The following DRC9 variants were observed in gnomAD, a reference collection of about 807,000 sequenced individuals.
DRC9 encodes dynein regulatory complex subunit 9.
the DRC9 span, among the ~76,000 whole-genome samples, chr3:197,896,874 A>C: frequency 1.3e-5 from 2 of 152,322 alleles, no homozygotes; most frequent in South Asian, 4.1e-4. Context: ...TCTGAAAGAA[A>C]AACTTCTTTC....
At chr3:197,894,381 A>C in the DRC9 span, 7 of 152,238 alleles carry the variant, frequency 4.6e-5, no homozygotes, top group Non-Finnish European at 8.8e-5. Flanking sequence ...CATGGGATGA[A>C]GAGCGAGAGA....
At chr3:197,904,087 CATATAT>C in the DRC9 span, among the ~76,000 whole-genome samples, 18 of 42,458 alleles carry the variant, frequency 4.2e-4, no homozygotes, top group Admixed American at 8.3e-4. Context: ...TATATACATA[CATATAT>C]ATATATATAT....
At chr3:197,914,032 T>A in the DRC9 span, 1 of 1,613,792 alleles carries the variant, frequency 6.2e-7, no homozygotes, top group Non-Finnish European at 8.5e-7. Context: ...AGCAATATAC[T>A]CATTCTGACT....
chr3:197,892,816 G>A, the DRC9 span: 1 of 1,597,700 alleles, frequency 6.3e-7, no homozygotes, highest in Non-Finnish European at 8.6e-7. Flanking sequence ...GCTGTATACT[G>A]TATGATTCCA....
the DRC9 span, among the ~76,000 whole-genome samples, chr3:197,952,357 A>G: frequency 6.6e-6 from 1 of 151,486 alleles, no homozygotes; most frequent in Middle Eastern, 3.2e-3. Flanking sequence ...TTTAGTAGAG[A>G]TGGGGTTTCA....
chr3:197,916,800 G>A, the DRC9 span, among the ~76,000 whole-genome samples: 3 of 152,058 alleles, frequency 2.0e-5, no homozygotes, highest in Non-Finnish European at 2.9e-5. Flanking sequence ...ATAGGCAGCG[G>A]TGTCCAATCT....
chr3:197,904,087 CATATATATAT>C, the DRC9 span, among the ~76,000 whole-genome samples: 1 of 42,464 alleles, frequency 2.4e-5, no homozygotes, highest in African/African-American at 1.1e-4. Context: ...TATATACATA[CATATATATAT>C]ATATATATAT....
At chr3:197,901,446 T>C in the DRC9 span, among the ~76,000 whole-genome samples, 1 of 152,228 alleles carries the variant, frequency 6.6e-6, no homozygotes, top group Admixed American at 6.5e-5. The surrounding 1 kb of genome is among the most constrained non-coding windows in gnomAD (Gnocchi z 4.4). Flanking sequence ...CCCAAGGCCT[T>C]GACTCTTGGA....
the DRC9 span, chr3:197,960,049 C>T: frequency 1.6e-6 from 1 of 607,526 alleles, no homozygotes; most frequent in South Asian, 2.1e-5. Flanking sequence ...ATTTATTGGC[C>T]GGCTTCGCGC....
the DRC9 span, chr3:197,912,395 A>G: frequency 3.7e-6 from 1 of 273,430 alleles, no homozygotes; most frequent in East Asian, 7.7e-5. Context: ...AAATTAAGTC[A>G]TAATTTGAAA....
chr3:197,938,885 T>C, the DRC9 span: 1 of 820,628 alleles, frequency 1.2e-6, no homozygotes, highest in Non-Finnish European at 2.0e-6. Context: ...TGACTTCTAC[T>C]CTATACTCCA....
the DRC9 span, among the ~76,000 whole-genome samples, chr3:197,940,016 CAG>C: frequency 6.6e-6 from 1 of 152,024 alleles, no homozygotes; most frequent in Non-Finnish European, 1.5e-5. Context: ...TTTTTTGAGA[CAG>C]AGTCTCACTG....
chr3:197,919,196 C>T, the DRC9 span, among the ~76,000 whole-genome samples: 1 of 152,192 alleles, frequency 6.6e-6, no homozygotes, highest in African/African-American at 2.4e-5. Flanking sequence ...CCTCTGAGTA[C>T]CCTGAGTTCC....
the DRC9 span, chr3:197,950,736 C>T: frequency 6.7e-6 from 4 of 597,486 alleles, no homozygotes; most frequent in Non-Finnish European, 1.2e-5. Context: ...CTGAAGTTTG[C>T]TTAGATACCA....
chr3:197,936,173 A>G, the DRC9 span, among the ~76,000 whole-genome samples: 1 of 152,008 alleles, frequency 6.6e-6, no homozygotes, highest in Non-Finnish European at 1.5e-5. Flanking sequence ...CAAAAAAAGA[A>G]AAAAAAAGAT....
At chr3:197,942,277 G>A in the DRC9 span, among the ~76,000 whole-genome samples, 33 of 151,306 alleles carry the variant, frequency 2.2e-4, no homozygotes, top group South Asian at 8.4e-4. Context: ...CGGGCTGCTC[G>A]GGAGGCTGAG....
chr3:197,901,451 C>G, the DRC9 span, among the ~76,000 whole-genome samples: 1 of 152,216 alleles, frequency 6.6e-6, no homozygotes, highest in Non-Finnish European at 1.5e-5. The surrounding 1 kb of genome is among the most constrained non-coding windows in gnomAD (Gnocchi z 4.4). Context: ...GGCCTTGACT[C>G]TTGGATGGCA....
chr3:197,907,898 C>T, the DRC9 span, among the ~76,000 whole-genome samples: 2 of 130,744 alleles, frequency 1.5e-5, no homozygotes, highest in African/African-American at 5.9e-5. Context: ...GACTGTACCA[C>T]GTCTGAAGAG....
the DRC9 span, among the ~76,000 whole-genome samples, chr3:197,943,453 T>A: frequency 6.6e-6 from 1 of 151,980 alleles, no homozygotes; most frequent in Non-Finnish European, 1.5e-5. Context: ...CTGGACAACA[T>A]AGTGAGATCC....
Sources: allele counts gnomAD v4.1 joint callset (sites outside exome capture counted in the v4.1 genomes callset), GRCh38; gene constraint gnomAD v4.1.1; non-coding constraint Gnocchi (gnomAD v3.1); transcripts MANE v1.5; gene names NCBI Gene and HGNC (gene_info 2026-07-23, HGNC 2026-07-21).